The following ICE2 variants were observed in gnomAD, a reference collection of about 807,000 sequenced individuals.
ICE2 encodes the protein interactor of little elongation complex ELL subunit 2.
In ICE2, 87 loss-of-function variants were observed where a neutral mutation model predicts 105.4. The ratio of observed to expected loss-of-function variants is 0.83; its 90% CI spans 0.69 to 0.99. ICE2 has a LOEUF of 0.99. ICE2 is among the 50% of genes least tolerant of loss of function. The pLI is 0.00. For synonymous variants in ICE2, 399 were observed against 392.0 expected, an observed-to-expected ratio of 1.02 and a Z score of -0.21; for missense variants, 1,323 against 1,146.7, an observed-to-expected ratio of 1.15 and a Z score of -2.22.
At position 60,428,553 on chromosome 15, in the gene ICE2, G is replaced by A. The variant is rs757873170; in HGVS notation, c.2696C>T (p.Pro899Leu). ...YKTHCGLPGV[P>L]SSLSVPWVPL... ...GACCCAGGGAACTGAGAGACTGGAAGGTACACCAGGAAGGCCGCAATGTGT... is the reference window on the plus strand; with the variant it reads ...GACCCAGGGAACTGAGAGACTGGAAAGTACACCAGGAAGGCCGCAATGTGT... The change falls in exon 15 of 16, where the codon CCT (proline) becomes CTT (leucine). Residue 899 changes from proline to leucine, a missense_variant. Coordinates refer to ENST00000261520, the MANE Select transcript of ICE2 (RefSeq NM_024611.6). 2.1e-5 allele frequency: 34 copies of A among 1,613,964 alleles called. No individual in the cohort carries two copies. In the East Asian group the frequency reaches 7.1e-4, roughly 34 times the overall value.
Position 60,431,114 on chromosome 15 carries a change from C to T in ICE2, c.2561+820G>A, listed in dbSNP as rs372981540. Among the ~76,000 whole-genome samples the T allele has an allele frequency of 2.6e-5, 4 of 152,078 alleles. No homozygotes were observed. The South Asian group carries it at 8.3e-4, about 32-fold the overall frequency. On this transcript the variant is annotated intron_variant, in intron 14 of 15. Transcript: ENST00000261520. ...GTCTCCATCTCCTGACCTCATGATC[C>T]GCCTACCTCGGCCTCCCAAAGTGCT...
chr15:60,478,180 C>T, intron 1 of ICE2, 111 bp from the exon 2 acceptor site: 2 of 591,864 alleles, frequency 3.4e-6, no homozygotes, highest in South Asian at 2.0e-5. Flanking sequence ...ACTGTGGCAC[C>T]TAAAACAGAA....
At chr15:60,476,817 C>T (rs1283185325) in intron 2 of ICE2, among the ~76,000 whole-genome samples, 3 of 152,164 alleles carry the variant, frequency 2.0e-5, no homozygotes, top group Non-Finnish European at 2.9e-5. Flanking sequence ...AATCCATTAA[C>T]GTTACTAGGG....
chr15:60,470,048 A>C (rs2064546250), intron 3 of ICE2, among the ~76,000 whole-genome samples: 1 of 152,200 alleles, frequency 6.6e-6, no homozygotes, highest in Non-Finnish European at 1.5e-5. Flanking sequence ...GAGGAAGGGA[A>C]ACTAAAGAGA....
chr15:60,472,091 C>T (rs2064615300), intron 3 of ICE2, among the ~76,000 whole-genome samples: 1 of 151,796 alleles, frequency 6.6e-6, no homozygotes, highest in Non-Finnish European at 1.5e-5. Context: ...GCTATTTCTA[C>T]ATGAACGGCT....
At chr15:60,453,910 T>C (rs1361660139) in intron 8 of ICE2, 126 bp from the exon 9 acceptor site, 13 of 716,300 alleles carry the variant, frequency 1.8e-5, no homozygotes, top group South Asian at 1.9e-5. Flanking sequence ...ACATGTCCCA[T>C]ATATTTGCTA....
chr15:60,437,899 C>T (rs889761539), intron 12 of ICE2: 15 of 151,524 alleles, frequency 9.9e-5, no homozygotes, highest in Admixed American at 9.2e-4. Context: ...TGGCCTCAAG[C>T]AATCCACCTG....
At chr15:60,431,549 C>T (rs1238485410) in intron 14 of ICE2, among the ~76,000 whole-genome samples, 1 of 152,130 alleles carries the variant, frequency 6.6e-6, no homozygotes, top group African/African-American at 2.4e-5. Context: ...AGAAATGATT[C>T]TTTCCTTAGT....
chr15:60,470,590 C>G (rs1182268695), intron 3 of ICE2, among the ~76,000 whole-genome samples: 1 of 152,130 alleles, frequency 6.6e-6, no homozygotes, highest in East Asian at 1.9e-4. Flanking sequence ...TTATCTCTTA[C>G]CAGATACAAA....
intron 13 of ICE2, among the ~76,000 whole-genome samples, chr15:60,432,736 C>G (rs1471642577): frequency 1.3e-5 from 2 of 151,488 alleles, no homozygotes; most frequent in Admixed American, 6.6e-5. Flanking sequence ...ACTAAAAATA[C>G]AAAAAATTAG....
intron 3 of ICE2, among the ~76,000 whole-genome samples, chr15:60,470,505 G>A (rs921815713): frequency 3.9e-5 from 6 of 152,134 alleles, no homozygotes; most frequent in Admixed American, 2.6e-4. Context: ...CCTGCAATAT[G>A]CAGTACTATC....
intron 2 of ICE2, among the ~76,000 whole-genome samples, chr15:60,477,122 T>A (rs566061921): frequency 1.3e-5 from 2 of 152,364 alleles, no homozygotes; most frequent in South Asian, 4.1e-4. Flanking sequence ...AAAAACTATA[T>A]TAAGGTATTA....
rs71462580 is a variant in ICE2, at chr15:60,456,555, AT to A, written c.666+101del. On this transcript the variant is annotated intron_variant, in intron 6 of 15. Coordinates refer to ENST00000261520, the MANE Select transcript of ICE2 (RefSeq NM_024611.6). ...ACTCTGTCTCCAAAAAAAAAAATAA[AT>A]AAATAAATAAATATATATATATATA... 5.6e-3 allele frequency: 348 copies of A among 61,930 alleles called. 40 individuals carry two copies. The highest frequency in any genetic ancestry group is 0.017 in the East Asian group (14 of 834). The allele number at this position is 61,930 out of a possible 1,614,324, so 3.8% of individuals were successfully genotyped here.
intron 12 of ICE2, among the ~76,000 whole-genome samples, chr15:60,436,757 T>A (rs1302627015): frequency 2.7e-5 from 4 of 149,500 alleles, no homozygotes; most frequent in Non-Finnish European, 5.9e-5. Context: ...TACATTTGCA[T>A]GGCGTTTATG....
At chr15:60,475,762 G>T (rs2064743790) in intron 3 of ICE2, among the ~76,000 whole-genome samples, 1 of 151,458 alleles carries the variant, frequency 6.6e-6, no homozygotes, top group African/African-American at 2.4e-5. Flanking sequence ...GTATAATATT[G>T]GTACCATACT....
At chr15:60,431,020 C>T (rs570247588) in intron 14 of ICE2, among the ~76,000 whole-genome samples, 4 of 152,086 alleles carry the variant, frequency 2.6e-5, no homozygotes, top group East Asian at 1.9e-4. Flanking sequence ...TACAGGTGCA[C>T]GCCACAAAAC....
intron 11 of ICE2, chr15:60,445,639 A>G: frequency 2.1e-5 from 21 of 983,516 alleles, no homozygotes; most frequent in Non-Finnish European, 2.4e-5. Context: ...CTATAAGGTT[A>G]TGTCTTGAAA....
At chr15:60,436,570 C>T (rs2063592400) in intron 12 of ICE2, among the ~76,000 whole-genome samples, 2 of 151,598 alleles carry the variant, frequency 1.3e-5, no homozygotes, top group South Asian at 2.1e-4. Flanking sequence ...ATTTAATTAG[C>T]CAGGCGTAGT....
In ICE2 at chr15:60,468,165, G is replaced by C; in HGVS notation, c.304C>G (p.Gln102Glu). The change falls in exon 4 of 16, where the codon CAG becomes GAG. Residue 102 changes from glutamine (Q) to glutamate (E), a missense_variant. Physicochemically the swap from Gln to Glu is conservative, Grantham distance 29. Coordinates refer to ENST00000261520, the MANE Select transcript of ICE2 (RefSeq NM_024611.6). ...VPYPRFSRFS[Q>E]REQRSYVDLL... ...TCCACATAACTCCTCTGCTCTCTCT[G>C]TGAGAAACGAGAGAAACGAGGATAA... The C allele has an allele frequency of 1.2e-6, 2 of 1,613,990 alleles. No homozygotes were observed. Among genetic ancestry groups the C allele is most frequent in the Middle Eastern group, 1.7e-4 (1 of 6,058 alleles).
Sources: allele counts gnomAD v4.1 joint callset (sites outside exome capture counted in the v4.1 genomes callset), GRCh38; gene constraint gnomAD v4.1.1; transcripts MANE v1.5; gene names NCBI Gene and HGNC (gene_info 2026-07-23, HGNC 2026-07-21).